The following TMEM266 variants were observed in gnomAD, a reference collection of about 807,000 sequenced individuals.
TMEM266 encodes Hv1 related protein 1.
TMEM266 carries 33 observed loss-of-function variants against 50.5 expected under a neutral mutation model. The ratio of observed to expected loss-of-function variants is 0.65; its 90% CI spans 0.50 to 0.87. TMEM266 has a LOEUF of 0.87. TMEM266 is among the 40% of genes least tolerant of loss of function. The probability of loss-of-function intolerance (pLI) is 0.00; values close to 1 mark genes in which losing one functional copy is unlikely to be tolerated. For missense variants in TMEM266, 655 were observed against 695.1 expected (o/e 0.94, Z 0.65); for synonymous variants, 310 against 292.3 (o/e 1.06, Z -0.62).
At chr15:76,120,125 C>G (rs1348203297) in intron 1 of TMEM266, among the ~76,000 whole-genome samples, 1 of 151,692 alleles carries the variant, frequency 6.6e-6, no homozygotes, top group Non-Finnish European at 1.5e-5. Context: ...AATGTCACTA[C>G]TGGGAATCTA....
At chr15:76,113,094 T>A (rs1458226444) in intron 1 of TMEM266, 1 of 152,234 alleles carries the variant, frequency 6.6e-6, no homozygotes, top group African/African-American at 2.4e-5. Flanking sequence ...GGCAGGCGGA[T>A]CACGAGGTCA....
intron 1 of TMEM266, among the ~76,000 whole-genome samples, chr15:76,085,562 G>C (rs1276542009): frequency 6.6e-6 from 1 of 152,054 alleles, no homozygotes; most frequent in East Asian, 1.9e-4. Context: ...ACCTGGCCCA[G>C]ATTTGCATTT....
At chr15:76,185,510 C>T (rs775251899) in intron 8 of TMEM266, among the ~76,000 whole-genome samples, 20 of 152,196 alleles carry the variant, frequency 1.3e-4, no homozygotes, top group African/African-American at 2.2e-4. Context: ...TGAAACACTA[C>T]GCTCATTTTG....
intron 5 of TMEM266, among the ~76,000 whole-genome samples, chr15:76,165,342 C>G (rs2038078550): frequency 6.6e-6 from 1 of 152,250 alleles, no homozygotes; most frequent in African/African-American, 2.4e-5. Flanking sequence ...ACTTGCCACT[C>G]TTCGCACCTC....
intron 1 of TMEM266, among the ~76,000 whole-genome samples, chr15:76,092,350 A>C (rs1411752993): frequency 1.3e-5 from 2 of 152,136 alleles, no homozygotes; most frequent in African/African-American, 4.8e-5. Flanking sequence ...AACATGTAAC[A>C]AAATATTGGT....
At chr15:76,136,857 A>T (rs1038835809) in intron 2 of TMEM266, among the ~76,000 whole-genome samples, 1 of 152,138 alleles carries the variant, frequency 6.6e-6, no homozygotes, top group Non-Finnish European at 1.5e-5. Flanking sequence ...CCCTACTTAA[A>T]TGTCAATAAT....
At chr15:76,088,616 G>A (rs1331976667) in intron 1 of TMEM266, among the ~76,000 whole-genome samples, 1 of 151,918 alleles carries the variant, frequency 6.6e-6, no homozygotes, top group Non-Finnish European at 1.5e-5. Context: ...CTAACACAGT[G>A]AAACCCCATC....
At chr15:76,064,703 A>G (rs1414186308) in intron 1 of TMEM266, among the ~76,000 whole-genome samples, 2 of 152,274 alleles carry the variant, frequency 1.3e-5, no homozygotes, top group African/African-American at 2.4e-5. Flanking sequence ...CTTAGTAGCT[A>G]GGACAGAGGC....
chr15:76,168,626 C>T lies in TMEM266; in HGVS notation c.457-1190C>T, dbSNP rs753679643. Reference sequence around the variant, plus strand: ...AACCGCTCCTGAAGGCAGCACCATTCGGGAATTATTCCTTCATGCACGCAT... The same window carrying T: ...AACCGCTCCTGAAGGCAGCACCATTTGGGAATTATTCCTTCATGCACGCAT... On this transcript the variant is annotated intron_variant, in intron 5 of 10. Transcript: ENST00000388942. The surrounding 1 kb of genome is among the most constrained non-coding windows in gnomAD (Gnocchi z 4.4). 1.4e-4 allele frequency among the ~76,000 whole-genome samples: 21 copies of T among 152,222 alleles called. No individual in the cohort carries two copies. Among genetic ancestry groups the T allele is most frequent in the Non-Finnish European group, 4.4e-5 (3 of 68,050 alleles).
chr15:76,198,226 C>G (rs1481311005), intron 9 of TMEM266, among the ~76,000 whole-genome samples: 1 of 152,184 alleles, frequency 6.6e-6, no homozygotes, highest in East Asian at 1.9e-4. Flanking sequence ...CAGCATGTGC[C>G]CTGCAGAGCC....
rs746449675 is a variant in TMEM266 at position 76,203,853 on chromosome 15, C to T, written c.1134C>T (p.Gly378=). 52 of 1,614,064 alleles carry T rather than the reference C, an allele frequency of 3.2e-5. No individual in the cohort carries two copies. Among genetic ancestry groups the T allele is most frequent in the African/African-American group, 4.0e-5 (3 of 74,916 alleles). ...CTCTGGACATGCCCCTCAAACTCGG[C>T]GGTAATGGCACCAGCGCCACCTCGG... The change falls in exon 11 of 11, where the codon GGC becomes GGT. Residue 378 remains glycine, a synonymous_variant. Coordinates refer to ENST00000388942, the MANE Select transcript of TMEM266 (RefSeq NM_152335.3).
rs149200131 is a variant in TMEM266, at chr15:76,135,613, C to G, written c.38+1312C>G. 7.2e-5 allele frequency among the ~76,000 whole-genome samples: 11 copies of G among 152,324 alleles called. No homozygotes were observed. In the East Asian group the frequency reaches 1.9e-3, roughly 27 times the overall value. ...CCATCTGGGGGAGCTGGGATTCCCCCCATAAACACCCACACTTTTATATCA... is the reference window on the plus strand; with the variant it reads ...CCATCTGGGGGAGCTGGGATTCCCCGCATAAACACCCACACTTTTATATCA... On this transcript the variant is annotated intron_variant, in intron 2 of 10. Coordinates refer to ENST00000388942, the MANE Select transcript of TMEM266 (RefSeq NM_152335.3).
At position 76,202,241 on chromosome 15, in the gene TMEM266, A is replaced by G. The variant is rs780582555; in HGVS notation, c.998A>G (p.Gln333Arg). ...GACGACATGAACAGCTACATCAGTC[A>G]GTATTACAATGGGCCCAGCAGTGGT... Residue 333 changes from glutamine to arginine, a missense_variant, in exon 10 of 11, where the codon CAG becomes CGG. Gln to Arg is a conservative substitution (Grantham distance 43). Around this residue, in one of 3 missense-constraint regions of TMEM266, gnomAD observed 455 missense variants for 401.8 expected, o/e 1.13. Coordinates refer to ENST00000388942, the MANE Select transcript of TMEM266 (RefSeq NM_152335.3). 1.6e-5 allele frequency: 26 copies of G among 1,613,848 alleles called. No homozygotes were observed. The highest frequency in any genetic ancestry group is 1.1e-4 in the South Asian group (10 of 91,070).
intron 9 of TMEM266, among the ~76,000 whole-genome samples, chr15:76,196,463 G>A (rs918863181): frequency 3.3e-5 from 5 of 152,198 alleles, no homozygotes; most frequent in African/African-American, 1.2e-4. Flanking sequence ...ATCTCTCCTT[G>A]ACCAGGAACT....
intron 4 of TMEM266, among the ~76,000 whole-genome samples, chr15:76,159,522 A>G (rs1009990370): frequency 6.6e-6 from 1 of 151,716 alleles, no homozygotes; most frequent in Non-Finnish European, 1.5e-5. Flanking sequence ...AGACACCTCC[A>G]CCCCATGCCC....
chr15:76,180,773 C>G (rs1203252981), intron 8 of TMEM266, among the ~76,000 whole-genome samples: 1 of 151,790 alleles, frequency 6.6e-6, no homozygotes. Flanking sequence ...GCCACCATGC[C>G]CAGCTAATTT....
At chr15:76,197,192 T>C (rs958863788) in intron 9 of TMEM266, among the ~76,000 whole-genome samples, 35 of 152,184 alleles carry the variant, frequency 2.3e-4, no homozygotes, top group African/African-American at 8.2e-4. Flanking sequence ...AAGGCAAGGC[T>C]TTCCACTGGC....
chr15:76,204,719 G>GTCTT lies in TMEM266; in HGVS notation c.*407_*410dup, dbSNP rs1318541600. The GTCTT allele has an allele frequency of 6.2e-6, 1 of 160,266 alleles. No individual in the cohort carries two copies. The highest frequency in any genetic ancestry group is 1.4e-5 in the Non-Finnish European group (1 of 73,162). The allele number at this position is 160,266 out of a possible 1,614,324, so 9.9% of individuals were successfully genotyped here. On this transcript the variant is annotated 3_prime_UTR_variant, in exon 11 of 11. Transcript: ENST00000388942. Reference sequence around the variant, plus strand: ...GGCTGTCCAGCCCCACCCCTAAGCCGTCTTTCCCAGGAATCCTGGGTGGAG... The same window carrying GTCTT: ...GGCTGTCCAGCCCCACCCCTAAGCCGTCTTTCTTTCCCAGGAATCCTGGGTGGAG...
At chr15:76,092,666 G>A (rs1403493228) in intron 1 of TMEM266, among the ~76,000 whole-genome samples, 2 of 151,180 alleles carry the variant, frequency 1.3e-5, no homozygotes, top group African/African-American at 4.9e-5. Flanking sequence ...CTTCAGCCTG[G>A]GCAACAGAGC....
Sources: gnomAD v4.1 joint callset for allele counts (sites outside exome capture counted in the v4.1 genomes callset) on GRCh38, gnomAD v4.1.1 for gene constraint, gnomAD v4.1.1 regional missense constraint, Gnocchi (gnomAD v3.1) non-coding constraint, MANE v1.5 for transcripts, NCBI Gene and HGNC (gene_info 2026-07-23, HGNC 2026-07-21) for gene names.